The following SLITRK6 variants were observed in gnomAD, a reference collection of about 807,000 sequenced individuals.
SLITRK6 encodes SLIT and NTRK-like protein 6.
A neutral mutation model predicts 55.6 loss-of-function variants in SLITRK6; 35 were observed. The ratio of observed to expected loss-of-function variants is 0.63; its 90% CI spans 0.48 to 0.83. The LOEUF (loss-of-function observed/expected upper bound fraction) is 0.83. Ranked by LOEUF, SLITRK6 falls within the 40% of genes least tolerant of loss-of-function variation. SLITRK6 has a pLI of 0.00. For synonymous variants in SLITRK6, 392 were observed against 359.6 expected (o/e 1.09, Z -1.02); for missense variants, 977 against 986.4 (o/e 0.99, Z 0.13).
At position 85,795,098 on chromosome 13, in the gene SLITRK6, G is replaced by A; in HGVS notation, c.1411C>T (p.Leu471Phe). 6.2e-7 allele frequency: 1 copy of A among 1,613,016 alleles called. No individual in the cohort carries two copies. Among genetic ancestry groups the A allele is most frequent in the Non-Finnish European group, 8.5e-7 (1 of 1,179,398 alleles). The change falls in exon 2 of 2, where the codon CTC becomes TTC. Residue 471 changes from leucine to phenylalanine, a missense_variant. Transcript: ENST00000647374. Reference protein sequence around the residue: ...LKVLYLNNNLLQVLPPHIFSG... With the variant: ...LKVLYLNNNLFQVLPPHIFSG... ...AAAATATGTGGTGGTAAAACTTGGAGGAGGTTGTTATTTAAATACAGGACT... is the reference window on the plus strand; with the variant it reads ...AAAATATGTGGTGGTAAAACTTGGAAGAGGTTGTTATTTAAATACAGGACT...
In SLITRK6 at chr13:85,795,296, C is replaced by T. The variant is rs1351311930; in HGVS notation, c.1213G>A (p.Gly405Arg). 7 of 1,612,552 alleles carry T rather than the reference C, an allele frequency of 4.3e-6. No homozygotes were observed. Among genetic ancestry groups the T allele is most frequent in the Non-Finnish European group, 5.9e-6 (7 of 1,179,320 alleles). Residue 405 changes from glycine (G) to arginine (R), a missense_variant, in exon 2 of 2, where the codon GGA becomes AGA. By Grantham distance (125) the Gly-to-Arg change is moderately radical (BLOSUM62 -2). Coordinates refer to ENST00000647374, the MANE Select transcript of SLITRK6 (RefSeq NM_032229.3). The stretch of plus-strand genomic sequence containing the variant: ...AATCTCGTTAGGTTCATAAACGATC[C>T]TTCTTCAAGAACTTCAATACGATTG... ...GNNRIEVLEE[G>R]SFMNLTRLQK...
Position 85,796,334 on chromosome 13 carries a change from T to C in SLITRK6, c.175A>G (p.Ile59Val). The change falls in exon 2 of 2, where the codon ATA becomes GTA. Residue 59 changes from isoleucine (I) to valine (V), a missense_variant. Coordinates refer to ENST00000647374, the MANE Select transcript of SLITRK6 (RefSeq NM_032229.3). ...AAAGGTCGTGATGGTGGCACACTTA[T>C]TTCAGATACCATCTTGATACCTTTT... ...EAKGIKMVSE[I>V]SVPPSRPFQL... 1.2e-6 allele frequency: 2 copies of C among 1,612,492 alleles called. No homozygotes were observed. Among genetic ancestry groups the C allele is most frequent in the South Asian group, 2.2e-5 (2 of 90,900 alleles).
In SLITRK6 at chr13:85,795,254, TTAGA is replaced by T. The variant is rs771934526; in HGVS notation, c.1251_1254del (p.Tyr417Ter). 2 of 1,612,656 alleles carry T rather than the reference TTAGA, an allele frequency of 1.2e-6. No homozygotes were observed. Among genetic ancestry groups the T allele is most frequent in the Non-Finnish European group, 8.5e-7 (1 of 1,179,324 alleles). ...CTTAATTTGGTCAGGTGGTTACCATTTAGATAGAGTTTTTGTAATCTCGTTAGGT... is the reference window on the plus strand; with the variant it reads ...CTTAATTTGGTCAGGTGGTTACCATTTAGAGTTTTTGTAATCTCGTTAGGT... On this transcript the variant is annotated frameshift_variant, in exon 2 of 2. Transcript: ENST00000647374. LOFTEE classifies it high-confidence loss of function.
Position 85,795,625 on chromosome 13 carries a change from C to T in SLITRK6, c.884G>A (p.Arg295His), listed in dbSNP as rs760544116. The change falls in exon 2 of 2, where the codon CGC becomes CAC. Residue 295 changes from arginine (R) to histidine (H), a missense_variant. Coordinates refer to ENST00000647374, the MANE Select transcript of SLITRK6 (RefSeq NM_032229.3). The stretch of plus-strand genomic sequence containing the variant: ...AATGGACGTGGTCTTAGTTGACATG[C>T]GACTATCATTTATTGAAGATGTTGC... ...LAATSSINDS[R>H]MSTKTTSILK... 21 of 1,612,864 alleles carry T rather than the reference C, an allele frequency of 1.3e-5. No individual in the cohort carries two copies. Among genetic ancestry groups the T allele is most frequent in the East Asian group, 1.1e-4 (5 of 44,830 alleles).
At position 85,794,010 on chromosome 13, in the gene SLITRK6, A is replaced by T; in HGVS notation, c.2499T>A (p.Tyr833Ter). ...LKANLHAEPD[Y>*]LEVLEQQT The stretch of plus-strand genomic sequence containing the variant: ...ATGTTTGCTGCTCCAGGACTTCTAA[A>T]TAGTCAGGTTCAGCATGTAAATTAG... The change falls in exon 2 of 2, where the codon TAT becomes TAA. Residue 833 changes from tyrosine to a stop codon, truncating the protein, a stop_gained. Coordinates refer to ENST00000647374, the MANE Select transcript of SLITRK6 (RefSeq NM_032229.3). LOFTEE classifies it high-confidence loss of function. 6.2e-7 allele frequency: 1 copy of T among 1,606,436 alleles called. No individual in the cohort carries two copies. The highest frequency in any genetic ancestry group is 8.5e-7 in the Non-Finnish European group (1 of 1,176,712).
rs356279 is a variant in SLITRK6 at position 85,796,797 on chromosome 13, A to C, written c.-24-265T>G. On this transcript the variant is annotated intron_variant, in intron 1 of 1. Transcript: ENST00000647374. ...GGGGGATTTAAAATATTATATCATAAAATTTGTGCTCACATCTGATGAATA... is the reference window on the plus strand; with the variant it reads ...GGGGGATTTAAAATATTATATCATACAATTTGTGCTCACATCTGATGAATA... Among the ~76,000 whole-genome samples, 38,069 of 151,512 alleles carry C rather than the reference A, an allele frequency of 0.25. 5,823 individuals carry two copies. The highest frequency in any genetic ancestry group is 0.64 in the East Asian group (3,264 of 5,130).
In SLITRK6 at chr13:85,796,467, G is replaced by C; in HGVS notation, c.42C>G (p.Ala14=). ...GAGTTTGGGAGTGTAAAGATATACA[G>C]GCAAGGAGAGATGAATAAAAGAGAT... ...WIHLFYSSLL[A]CISLHSQTPV... is the part of the protein sequence containing the mutation. Residue 14 remains alanine, a synonymous_variant, in exon 2 of 2, where the codon GCC becomes GCG. Transcript: ENST00000647374. 2 of 1,576,392 alleles carry C rather than the reference G, an allele frequency of 1.3e-6. No individual in the cohort carries two copies. Among genetic ancestry groups the C allele is most frequent in the South Asian group, 2.4e-5 (2 of 84,726 alleles).
rs756525658 is a variant in SLITRK6, at chr13:85,794,779, G to C, written c.1730C>G (p.Thr577Arg). 1 of 1,613,074 alleles carries C rather than the reference G, an allele frequency of 6.2e-7. No homozygotes were observed. Among genetic ancestry groups the C allele is most frequent in the African/African-American group, 1.3e-5 (1 of 74,816 alleles). The change falls in exon 2 of 2, where the codon ACA becomes AGA. Residue 577 changes from threonine to arginine, a missense_variant. Transcript: ENST00000647374. ...GGTGACCATAAGGTAACTAGTCTGT[G>C]TTGGCATGGATGGGTTATTTACTAA... Reference protein sequence around the residue: ...PGLVNNPSMPTQTSYLMVTTP... With the variant: ...PGLVNNPSMPRQTSYLMVTTP...
rs1373154296 is a variant in SLITRK6 at position 85,794,030 on chromosome 13, A to G, written c.2479T>C (p.Leu827=). 6.2e-7 allele frequency: 1 copy of G among 1,611,558 alleles called. No individual in the cohort carries two copies. The highest frequency in any genetic ancestry group is 8.5e-7 in the Non-Finnish European group (1 of 1,178,832). Residue 827 remains leucine (L), a synonymous_variant, in exon 2 of 2, where the codon TTA becomes CTA. Coordinates refer to ENST00000647374, the MANE Select transcript of SLITRK6 (RefSeq NM_032229.3). ...TCTAAATAGTCAGGTTCAGCATGTA[A>G]ATTAGCTTTAAGTTCAAAATACTCA... ...KNEYFELKAN[L]HAEPDYLEVL... is the part of the protein sequence containing the mutation.
At position 85,794,387 on chromosome 13, in the gene SLITRK6, C is replaced by T. The variant is rs1240535821; in HGVS notation, c.2122G>A (p.Glu708Lys). 6.2e-7 allele frequency: 1 copy of T among 1,613,156 alleles called. No homozygotes were observed. Among genetic ancestry groups the T allele is most frequent in the African/African-American group, 1.3e-5 (1 of 74,822 alleles). ...TGTTTTGCATCACTTCCTTCTTTCT[C>T]ATTCCTCTCTTCTTCCTCTTCCAGA... is the stretch of plus-strand genomic sequence containing the variant. ...KHLEEEEERNEKEGSDAKHLQ... is the reference protein window; with the variant it reads ...KHLEEEEERNKKEGSDAKHLQ... The change falls in exon 2 of 2, where the codon GAG (glutamate) becomes AAG (lysine). Residue 708 changes from glutamate (E) to lysine (K), a missense_variant. Physicochemically the swap from Glu to Lys is moderately conservative, Grantham distance 56 (BLOSUM62 1). Transcript: ENST00000647374.
At chr13:85,796,588 T>G (rs932276307) in intron 1 of SLITRK6, 56 bp from the exon 2 acceptor site, 21 of 1,336,918 alleles carry the variant, frequency 1.6e-5, no homozygotes, top group Non-Finnish European at 2.0e-5. Context: ...GGGGAGGAGA[T>G]GAAGCTGATA....
rs530177141 is a variant in SLITRK6 at position 85,795,277 on chromosome 13, G to A, written c.1232C>T (p.Thr411Met). The change falls in exon 2 of 2, where the codon ACG (threonine) becomes ATG (methionine). Residue 411 changes from threonine to methionine, a missense_variant. Thr to Met is a moderately conservative substitution (Grantham distance 81). Transcript: ENST00000647374. The part of the protein sequence containing the change: ...VLEEGSFMNL[T>M]RLQKLYLNGN... ...ATTTAGATAGAGTTTTTGTAATCTC[G>A]TTAGGTTCATAAACGATCCTTCTTC... 14 of 1,612,532 alleles carry A rather than the reference G, an allele frequency of 8.7e-6. No homozygotes were observed. Among genetic ancestry groups the A allele is most frequent in the African/African-American group, 4.0e-5 (3 of 74,778 alleles).
rs767083935 is a variant in SLITRK6, at chr13:85,796,502, G to A, written c.7C>T (p.Leu3=). The A allele has an allele frequency of 6.5e-7, 1 of 1,531,894 alleles. No homozygotes were observed. Among genetic ancestry groups the A allele is most frequent in the Admixed American group, 2.3e-5 (1 of 44,156 alleles). The allele number at this position is 1,531,894 out of a possible 1,614,324, so 94.9% of individuals were successfully genotyped here. The change falls in exon 2 of 2, where the codon CTG becomes TTG. Residue 3 remains leucine, a synonymous_variant. Coordinates refer to ENST00000647374, the MANE Select transcript of SLITRK6 (RefSeq NM_032229.3). ...GATGAATAAAAGAGATGAATCCACA[G>A]CTTCATGTTGTCATGTGATGAAATC... is the stretch of plus-strand genomic sequence containing the variant. MK[L]WIHLFYSSLL...
intron 1 of SLITRK6, 35 bp from the exon 2 acceptor site, chr13:85,796,567 T>C: frequency 1.4e-6 from 2 of 1,455,256 alleles, no homozygotes; most frequent in Non-Finnish European, 1.8e-6. Flanking sequence ...GGGACTTTAG[T>C]GGGCAGAACT....
Position 85,793,187 on chromosome 13 carries a change from G to T in SLITRK6, c.*796C>A, listed in dbSNP as rs1356279471. 6.6e-6 allele frequency: 1 copy of T among 151,818 alleles called. No individual in the cohort carries two copies. Among genetic ancestry groups the T allele is most frequent in the Non-Finnish European group, 1.5e-5 (1 of 67,866 alleles). The allele number at this position is 151,818 out of a possible 1,614,324, so 9.4% of individuals were successfully genotyped here. The stretch of plus-strand genomic sequence containing the variant: ...TAGTCATATTTACAGCAGAATCTCA[G>T]TAGCATTTTTAAAATATCCCAAGAA... On this transcript the variant is annotated 3_prime_UTR_variant, in exon 2 of 2. Transcript: ENST00000647374.
rs377680721 is a variant in SLITRK6 at position 85,794,770 on chromosome 13, C to G, written c.1739G>C (p.Ser580Thr). The change falls in exon 2 of 2, where the codon AGT (serine) becomes ACT (threonine). Residue 580 changes from serine (S) to threonine (T), a missense_variant. Transcript: ENST00000647374. ...TGCAGGAGTGGTGACCATAAGGTAACTAGTCTGTGTTGGCATGGATGGGTT... is the reference window on the plus strand; with the variant it reads ...TGCAGGAGTGGTGACCATAAGGTAAGTAGTCTGTGTTGGCATGGATGGGTT... ...VNNPSMPTQTSYLMVTTPATT... is the reference protein window; with the variant it reads ...VNNPSMPTQTTYLMVTTPATT... 24 of 1,613,064 alleles carry G rather than the reference C, an allele frequency of 1.5e-5. No homozygotes were observed. Among genetic ancestry groups the G allele is most frequent in the Non-Finnish European group, 1.9e-5 (23 of 1,179,544 alleles).
intron 1 of SLITRK6, among the ~76,000 whole-genome samples, chr13:85,798,661 A>G (rs895370610): frequency 6.6e-6 from 1 of 152,066 alleles, no homozygotes; most frequent in African/African-American, 2.4e-5. Context: ...GTTTCTAACA[A>G]CAAACTGCAT....
At chr13:85,796,562 T>C in intron 1 of SLITRK6, 30 bp from the exon 2 acceptor site, 1 of 1,470,716 alleles carries the variant, frequency 6.8e-7, no homozygotes, top group Non-Finnish European at 9.0e-7. Context: ...AGCAAGGGAC[T>C]TTAGTGGGCA....
At chr13:85,796,605 A>G in intron 1 of SLITRK6, 73 bp from the exon 2 acceptor site, 2 of 1,249,626 alleles carry the variant, frequency 1.6e-6, no homozygotes, top group Non-Finnish European at 2.1e-6. Context: ...GATATTTTCA[A>G]AATAATAGGT....
Sources: allele counts gnomAD v4.1 joint callset (sites outside exome capture counted in the v4.1 genomes callset), GRCh38; gene constraint gnomAD v4.1.1; transcripts MANE v1.5; gene names NCBI Gene and HGNC (gene_info 2026-07-23, HGNC 2026-07-21).